Variants in ST3GAL3 observed in about 807,000 individuals in gnomAD.
ST3GAL3 encodes ST3 beta-galactoside alpha-2,3-sialyltransferase 3, also known as CMP-N-acetylneuraminate-beta-1,4-galactoside alpha-2,3-sialyltransferase.
ST3GAL3 carries 21 observed loss-of-function variants against 50.1 expected under a neutral mutation model. That is an observed-to-expected ratio of 0.42 (90% CI 0.30 to 0.60). ST3GAL3 has a LOEUF of 0.60. ST3GAL3 is among the 20% of genes least tolerant of loss of function. The pLI is 0.19. For synonymous variants in ST3GAL3, 183 were observed against 190.0 expected (o/e 0.96, Z 0.30); for missense variants, 353 against 489.4 (o/e 0.72, Z 2.63).
intron 4 of ST3GAL3, 70 bp downstream of exon 4, chr1:43,815,003 G>A: frequency 6.8e-7 from 1 of 1,478,162 alleles, no homozygotes; most frequent in Non-Finnish European, 9.5e-7. Context: ...TCACTTTGAA[G>A]GGTCAGCTCT....
chr1:43,760,385 GA>G (rs1344176192), intron 2 of ST3GAL3, among the ~76,000 whole-genome samples: 1 of 152,206 alleles, frequency 6.6e-6, no homozygotes, highest in African/African-American at 2.4e-5. Flanking sequence ...GAAATCATTG[GA>G]AGATGTGTAT....
intron 5 of ST3GAL3, among the ~76,000 whole-genome samples, chr1:43,867,630 A>G (rs996857306): frequency 2.6e-5 from 4 of 152,148 alleles, no homozygotes; most frequent in East Asian, 1.9e-4. Context: ...AAACAAATCT[A>G]CCTGTAGACA....
At position 43,815,320 on chromosome 1, in the gene ST3GAL3, C is replaced by G. The variant is rs184638590; in HGVS notation, c.209+387C>G. On this transcript the variant is annotated intron_variant, in intron 4 of 11. Coordinates refer to ENST00000347631, the MANE Select transcript of ST3GAL3 (RefSeq NM_006279.5). ...ACATGCACAGCCTTCTGTGATCACT[C>G]CCTGTCTTACTCTCCAGTTTCAACT... 2.5e-3 allele frequency among the ~76,000 whole-genome samples: 387 copies of G among 152,260 alleles called. 3 individuals carry two copies. Among genetic ancestry groups the G allele is most frequent in the African/African-American group, 9.0e-3 (373 of 41,548 alleles).
chr1:43,743,364 T>C (rs1310029496), intron 2 of ST3GAL3: 1 of 209,712 alleles, frequency 4.8e-6, no homozygotes, highest in Admixed American at 5.7e-5. Flanking sequence ...GTGCTGCTGA[T>C]GAGCTCATTT....
At chr1:43,881,718 T>C (rs2075165660) in intron 5 of ST3GAL3, among the ~76,000 whole-genome samples, 1 of 151,776 alleles carries the variant, frequency 6.6e-6, no homozygotes, top group Admixed American at 6.6e-5. Flanking sequence ...CTCCAGCTTG[T>C]CTGGACACGG....
chr1:43,826,036 C>T (rs1306878787), intron 4 of ST3GAL3, among the ~76,000 whole-genome samples: 1 of 151,800 alleles, frequency 6.6e-6, no homozygotes, highest in Non-Finnish European at 1.5e-5. Flanking sequence ...AAGGCTGAGG[C>T]AGGAGGATCG....
intron 3 of ST3GAL3, among the ~76,000 whole-genome samples, chr1:43,814,169 AC>A (rs925418472): frequency 2.0e-5 from 3 of 152,188 alleles, no homozygotes; most frequent in African/African-American, 2.4e-5. Flanking sequence ...CAGCAAGCAC[AC>A]AGAGCCCTAA....
chr1:43,844,781 C>T (rs962492411), intron 5 of ST3GAL3, among the ~76,000 whole-genome samples: 16 of 150,778 alleles, frequency 1.1e-4, no homozygotes, highest in East Asian at 3.9e-4. Context: ...GAGCCAAGAT[C>T]GTGCCACTGC....
intron 3 of ST3GAL3, among the ~76,000 whole-genome samples, chr1:43,811,463 G>A (rs1284233419): frequency 6.6e-6 from 1 of 151,396 alleles, no homozygotes. Flanking sequence ...CCCAGTATGG[G>A]TAATGCCCAT....
chr1:43,930,457 C>A lies in ST3GAL3; in HGVS notation c.*236C>A. The A allele has an allele frequency of 1.7e-6, 1 of 590,104 alleles. No homozygotes were observed. Among genetic ancestry groups the A allele is most frequent in the Admixed American group, 2.9e-5 (1 of 34,660 alleles). 36.6% of individuals were successfully genotyped at this position (590,104 alleles called of 1,614,324 possible). ...AGGGCCAGCAGGCTCCTGGCTGTGC[C>A]CAGCAGGCCCAGCATGCAGGTGGTG... is the stretch of plus-strand genomic sequence containing the variant. On this transcript the variant is annotated 3_prime_UTR_variant, in exon 12 of 12. Coordinates refer to ENST00000347631, the MANE Select transcript of ST3GAL3 (RefSeq NM_006279.5).
intron 2 of ST3GAL3, among the ~76,000 whole-genome samples, chr1:43,790,929 C>T (rs2057999840): frequency 1.3e-5 from 2 of 152,152 alleles, no homozygotes; most frequent in Admixed American, 1.3e-4. Context: ...AGCCACTGCA[C>T]CCGGCCGGCA....
At chr1:43,805,362 A>G (rs2059752972) in intron 3 of ST3GAL3, among the ~76,000 whole-genome samples, 1 of 152,214 alleles carries the variant, frequency 6.6e-6, no homozygotes, top group Non-Finnish European at 1.5e-5. Context: ...CAGTCTCACC[A>G]CTTGCCTGCA....
At chr1:43,872,350 G>A (rs781145090) in intron 5 of ST3GAL3, among the ~76,000 whole-genome samples, 108 of 147,898 alleles carry the variant, frequency 7.3e-4, no homozygotes, top group South Asian at 1.3e-3. Flanking sequence ...TGAGCGAGAC[G>A]GGGTGTGAGG....
At chr1:43,890,777 G>A (rs952405224) in intron 5 of ST3GAL3, among the ~76,000 whole-genome samples, 1 of 152,092 alleles carries the variant, frequency 6.6e-6, no homozygotes, top group East Asian at 1.9e-4. Context: ...CTAGCTACTC[G>A]GGAGGCTGAG....
intron 3 of ST3GAL3, among the ~76,000 whole-genome samples, chr1:43,808,609 A>G (rs751625066): frequency 6.6e-6 from 1 of 152,228 alleles, no homozygotes. Context: ...TTTGCAGTCC[A>G]TGTCGCAGGG....
At chr1:43,719,389 C>T (rs756359419) in intron 1 of ST3GAL3, among the ~76,000 whole-genome samples, 16 of 149,388 alleles carry the variant, frequency 1.1e-4, no homozygotes, top group East Asian at 2.0e-4. Flanking sequence ...GGGCCAGGCA[C>T]GGTGGCTCAT....
chr1:43,779,431 A>G (rs1474454928), intron 2 of ST3GAL3, among the ~76,000 whole-genome samples: 2 of 152,236 alleles, frequency 1.3e-5, no homozygotes, highest in African/African-American at 4.8e-5. Context: ...CTTGTTCCCA[A>G]CAACAAAAAA....
rs144369961 is a variant in ST3GAL3 at position 43,850,558 on chromosome 1, G to A, written c.302+12247G>A. 276 of 711,258 alleles carry A rather than the reference G, an allele frequency of 3.9e-4. 4 individuals are homozygous for A. The East Asian group carries it at 7.4e-3, about 19-fold the overall frequency. The allele number at this position is 711,258 out of a possible 1,614,324, so 44.1% of individuals were successfully genotyped here. A position where few individuals can be genotyped will look rare whatever the true frequency, so the allele number is the denominator to read the frequency against. ...TTCCCCAGCCGCAGTCCACTGGGCC[G>A]TAGAGTGTTTCTATCATCTGGGCAG... On this transcript the variant is annotated intron_variant, in intron 5 of 11. Coordinates refer to ENST00000347631, the MANE Select transcript of ST3GAL3 (RefSeq NM_006279.5).
chr1:43,808,303 CAAAA>C (rs35302476), intron 3 of ST3GAL3, among the ~76,000 whole-genome samples: 2 of 108,228 alleles, frequency 1.8e-5, no homozygotes, highest in African/African-American at 7.1e-5. Flanking sequence ...GACTCCATCT[CAAAA>C]AAAAAAAAAA....
Sources: gnomAD v4.1 joint callset for allele counts (sites outside exome capture counted in the v4.1 genomes callset) on GRCh38, gnomAD v4.1.1 for gene constraint, MANE v1.5 for transcripts, NCBI Gene and HGNC (gene_info 2026-07-23, HGNC 2026-07-21) for gene names.